WDR1: variants seen among roughly 807,000 people sequenced by gnomAD.
WDR1 encodes the protein WD repeat domain 1.
WDR1 carries 21 observed loss-of-function variants against 71.9 expected under a neutral mutation model. That is an observed-to-expected ratio of 0.29 (90% CI 0.21 to 0.42). The LOEUF (loss-of-function observed/expected upper bound fraction) is 0.42. WDR1 is among the 10% of genes least tolerant of loss of function. The probability of loss-of-function intolerance (pLI) is 1.00; values close to 1 mark genes in which losing one functional copy is unlikely to be tolerated. For missense variants in WDR1, 696 were observed against 824.5 expected, an observed-to-expected ratio of 0.84 and a Z score of 1.91; for synonymous variants, 424 against 347.4, an observed-to-expected ratio of 1.22 and a Z score of -2.45.
chr4:10,082,936 T>C, intron 10 of WDR1, 86 bp downstream of exon 10: 1 of 1,511,304 alleles, frequency 6.6e-7, no homozygotes, highest in Admixed American at 2.1e-5. Context: ...TGAGGCGTCC[T>C]CCAGAACAGT....
At chr4:10,078,771 C>T (rs1007450746) in intron 12 of WDR1, 120 bp downstream of exon 12, 1 of 818,838 alleles carries the variant, frequency 1.2e-6, no homozygotes, top group Non-Finnish European at 1.9e-6. Context: ...CGACTGCCCC[C>T]ATCCTTCCCC....
intron 2 of WDR1, among the ~76,000 whole-genome samples, chr4:10,105,459 G>C (rs1712959839): frequency 1.3e-5 from 2 of 152,238 alleles, no homozygotes; most frequent in East Asian, 1.9e-4. Flanking sequence ...AGTGAAATTA[G>C]AATGTATCAA....
chr4:10,089,533 C>T (rs1446475728), intron 5 of WDR1, among the ~76,000 whole-genome samples: 1 of 152,232 alleles, frequency 6.6e-6, no homozygotes, highest in African/African-American at 2.4e-5. Context: ...TGAATGCATT[C>T]TTTCCGCAGT....
intron 6 of WDR1, 89 bp downstream of exon 6, chr4:10,088,575 G>A: frequency 8.0e-7 from 1 of 1,249,270 alleles, no homozygotes; most frequent in Non-Finnish European, 1.1e-6. Flanking sequence ...TGCATGTCAG[G>A]ACTAGCATTA....
At chr4:10,090,930 G>A (rs1711934934) in intron 5 of WDR1, among the ~76,000 whole-genome samples, 1 of 152,250 alleles carries the variant, frequency 6.6e-6, no homozygotes, top group Non-Finnish European at 1.5e-5. Context: ...TCCTCTGTAG[G>A]TTGTGGTCAC....
At chr4:10,112,162 A>G (rs1355798870) in intron 2 of WDR1, among the ~76,000 whole-genome samples, 1 of 152,086 alleles carries the variant, frequency 6.6e-6, no homozygotes, top group Non-Finnish European at 1.5e-5. Context: ...TAGAATCACA[A>G]ACAGGTTCGT....
chr4:10,108,712 G>T (rs192217160), intron 2 of WDR1, among the ~76,000 whole-genome samples: 1 of 152,340 alleles, frequency 6.6e-6, no homozygotes. Context: ...AAAAACCTCA[G>T]CTCCAAAGCA....
At chr4:10,116,264 T>G in intron 1 of WDR1, 30 bp from the exon 2 acceptor site, 1 of 1,612,584 alleles carries the variant, frequency 6.2e-7, no homozygotes, top group Non-Finnish European at 8.5e-7. Context: ...GCGGGGCATG[T>G]CAGGGCAGGG....
chr4:10,095,398 C>T (rs974985290), intron 5 of WDR1, among the ~76,000 whole-genome samples: 3 of 152,228 alleles, frequency 2.0e-5, no homozygotes, highest in African/African-American at 7.2e-5. Context: ...CCGACCACAT[C>T]AGAAGAGCCC....
rs761620071 is a variant in WDR1, at chr4:10,082,970, C to G, written c.1196+52G>C. 2.2e-5 allele frequency: 35 copies of G among 1,566,508 alleles called. No homozygotes were observed. The East Asian group carries it at 7.7e-4, about 34-fold the overall frequency. On this transcript the variant is annotated intron_variant, in intron 10 of 14. Coordinates refer to ENST00000499869, the MANE Select transcript of WDR1 (RefSeq NM_017491.5). Reference sequence around the variant, plus strand: ...GTAACTGCTGGAGGGCACAAGCCCTCCGAGGGGAGCTGAGGCTCATCCGGA... The same window carrying G: ...GTAACTGCTGGAGGGCACAAGCCCTGCGAGGGGAGCTGAGGCTCATCCGGA...
chr4:10,089,981 A>C (rs1222387209), intron 5 of WDR1, among the ~76,000 whole-genome samples: 1 of 152,212 alleles, frequency 6.6e-6, no homozygotes, highest in Non-Finnish European at 1.5e-5. Context: ...CTGTAAATCC[A>C]GCAGGACTTG....
rs772279711 is a variant in WDR1 at position 10,083,140 on chromosome 4, C to A, written c.1078G>T (p.Ala360Ser). 1 of 1,613,848 alleles carries A rather than the reference C, an allele frequency of 6.2e-7. No individual in the cohort carries two copies. The highest frequency in any genetic ancestry group is 8.5e-7 in the Non-Finnish European group (1 of 1,179,864). ...DSETGENDSF[A>S]GKGHTNQVSR... ...ACCTGGTTCGTGTGGCCTTTCCCAG[C>A]GAAGGAGTCGTTCTCCCCCGTCTCT... Residue 360 changes from alanine to serine, a missense_variant, in exon 10 of 15, where the codon GCT (alanine) becomes TCT (serine). Physicochemically the swap from Ala to Ser is moderately conservative, Grantham distance 99. Transcript: ENST00000499869.
At chr4:10,092,841 C>T (rs1712086989) in intron 5 of WDR1, 2 of 372,070 alleles carry the variant, frequency 5.4e-6, no homozygotes, top group Non-Finnish European at 1.1e-5. Context: ...CTCACCGGCC[C>T]CCTGCCTCTG....
At chr4:10,077,619 C>G in intron 13 of WDR1, 134 bp downstream of exon 13, 1 of 1,446,376 alleles carries the variant, frequency 6.9e-7, no homozygotes, top group Non-Finnish European at 9.3e-7. Context: ...TGGCACGAGG[C>G]ACCTGCTACT....
At chr4:10,086,369 C>A (rs1711552944) in intron 8 of WDR1, among the ~76,000 whole-genome samples, 1 of 152,204 alleles carries the variant, frequency 6.6e-6, no homozygotes, top group African/African-American at 2.4e-5. Context: ...TCAGCCTTCC[C>A]CCTCTCAGCA....
At chr4:10,112,747 T>C (rs1468946816) in intron 2 of WDR1, among the ~76,000 whole-genome samples, 1 of 152,234 alleles carries the variant, frequency 6.6e-6, no homozygotes, top group Non-Finnish European at 1.5e-5. Context: ...GGCTGCCTAT[T>C]ATCTTCACGA....
intron 5 of WDR1, chr4:10,092,507 T>TAGATCTC: frequency 6.5e-6 from 1 of 154,870 alleles, no homozygotes; most frequent in Non-Finnish European, 1.4e-5. Flanking sequence ...TCTGGCAGGG[T>TAGATCTC]GGTGTCATGT....
At chr4:10,078,726 T>C (rs562347636) in intron 12 of WDR1, 165 bp downstream of exon 12, 6 of 575,744 alleles carry the variant, frequency 1.0e-5, no homozygotes, top group African/African-American at 3.9e-5. Flanking sequence ...TGGCAGGAGA[T>C]GGCGTGGCTG....
rs748690679 is a variant in WDR1 at position 10,088,633 on chromosome 4, TC to T, written c.636+30del. 3.4e-5 allele frequency: 53 copies of T among 1,564,122 alleles called. No homozygotes were observed. The Middle Eastern group carries it at 1.7e-3, about 49-fold the overall frequency. On this transcript the variant is annotated intron_variant, in intron 6 of 14. Transcript: ENST00000499869. The stretch of plus-strand genomic sequence containing the variant: ...TCACGGGAGCAGGCAGACAAGCCAT[TC>T]CCCACCCCAAAACCCATCCCAGTTC...
Sources: allele counts gnomAD v4.1 joint callset (sites outside exome capture counted in the v4.1 genomes callset), GRCh38; gene constraint gnomAD v4.1.1; transcripts MANE v1.5; gene names NCBI Gene and HGNC (gene_info 2026-07-23, HGNC 2026-07-21).